PALLD: variants seen among roughly 807,000 people sequenced by gnomAD.
PALLD encodes the protein palladin, cytoskeletal associated protein, also known as palladin.
PALLD carries 61 observed loss-of-function variants against 123.5 expected under a neutral mutation model. That is an observed-to-expected ratio of 0.49 (90% confidence interval 0.40 to 0.61). The LOEUF (loss-of-function observed/expected upper bound fraction) is 0.61, where lower values mean the gene tolerates loss of function less well. Ranked by LOEUF, PALLD falls within the 20% of genes least tolerant of loss-of-function variation. The probability of loss-of-function intolerance (pLI) is 0.00; values close to 1 mark genes in which losing one functional copy is unlikely to be tolerated. For synonymous variants in PALLD, 465 were observed against 496.4 expected (o/e 0.94, Z 0.84); for missense variants, 1,273 against 1,377.0 (o/e 0.92, Z 1.20).
At chr4:168,509,535 T>C (rs1762334293) in intron 1 of PALLD, among the ~76,000 whole-genome samples, 1 of 152,218 alleles carries the variant, frequency 6.6e-6, no homozygotes. Context: ...CATATCTGAA[T>C]AACTGGAGAC....
intron 10 of PALLD, among the ~76,000 whole-genome samples, chr4:168,856,936 A>C (rs756738384): frequency 1.3e-5 from 2 of 152,250 alleles, no homozygotes; most frequent in Non-Finnish European, 2.9e-5. Flanking sequence ...CTTTATGGGA[A>C]ACAGTGAGGA....
intron 11 of PALLD, among the ~76,000 whole-genome samples, chr4:168,892,974 A>G (rs1754380593): frequency 6.6e-6 from 1 of 152,108 alleles, no homozygotes; most frequent in South Asian, 2.1e-4. Context: ...CTTTTTCCTA[A>G]TATTATATAT....
intron 2 of PALLD, among the ~76,000 whole-genome samples, chr4:168,618,169 G>A (rs998147453): frequency 3.3e-5 from 5 of 152,082 alleles, no homozygotes; most frequent in East Asian, 1.9e-4. Context: ...CAACCAAGTC[G>A]CTTATACTCT....
chr4:168,868,219 T>C (rs1417909826), intron 10 of PALLD, among the ~76,000 whole-genome samples: 2 of 152,314 alleles, frequency 1.3e-5, no homozygotes, highest in Admixed American at 1.3e-4. Flanking sequence ...TGAAGCCATA[T>C]ACCAGTTGAC....
intron 10 of PALLD, among the ~76,000 whole-genome samples, chr4:168,797,043 T>C (rs1738612219): frequency 6.6e-6 from 1 of 152,194 alleles, no homozygotes; most frequent in Non-Finnish European, 1.5e-5. Context: ...CTCACCAAAT[T>C]GAGTTGTCTC....
At chr4:168,732,309 T>C (rs1302503873) in intron 10 of PALLD, among the ~76,000 whole-genome samples, 1 of 152,236 alleles carries the variant, frequency 6.6e-6, no homozygotes, top group Non-Finnish European at 1.5e-5. Flanking sequence ...GGGCAGGTGA[T>C]TGATTGACTT....
At chr4:168,580,221 T>C (rs1032042775) in intron 2 of PALLD, among the ~76,000 whole-genome samples, 4 of 150,508 alleles carry the variant, frequency 2.7e-5, no homozygotes, top group Non-Finnish European at 5.9e-5. Flanking sequence ...TTTTAAAGAC[T>C]GAATATTATT....
intron 3 of PALLD, among the ~76,000 whole-genome samples, chr4:168,677,288 C>T (rs901070063): frequency 6.6e-6 from 1 of 151,762 alleles, no homozygotes; most frequent in Non-Finnish European, 1.5e-5. Flanking sequence ...CTGGCTGGCA[C>T]AGAGAGGGAG....
At chr4:168,562,501 T>C (rs1461143925) in intron 2 of PALLD, among the ~76,000 whole-genome samples, 5 of 152,196 alleles carry the variant, frequency 3.3e-5, no homozygotes, top group Admixed American at 3.3e-4. Flanking sequence ...GTAAGTAATG[T>C]AATTTTAAAT....
chr4:168,763,406 T>G (rs182735839), intron 10 of PALLD, among the ~76,000 whole-genome samples: 116 of 152,280 alleles, frequency 7.6e-4, no homozygotes, highest in African/African-American at 2.8e-3. Flanking sequence ...ATTATCTCCT[T>G]TCCACCTGTG....
chr4:168,695,058 A>C (rs944554463), intron 8 of PALLD, among the ~76,000 whole-genome samples: 2 of 152,238 alleles, frequency 1.3e-5, no homozygotes, highest in African/African-American at 2.4e-5. Context: ...AATAGCGTGC[A>C]AAATTAAAAA....
At chr4:168,736,059 A>G (rs537683027) in intron 10 of PALLD, among the ~76,000 whole-genome samples, 2 of 152,374 alleles carry the variant, frequency 1.3e-5, no homozygotes, top group East Asian at 3.9e-4. Context: ...ACTGGAGCTC[A>G]TTCAGTGGCT....
At chr4:168,674,925 T>A (rs934395667) in intron 3 of PALLD, among the ~76,000 whole-genome samples, 1 of 151,936 alleles carries the variant, frequency 6.6e-6, no homozygotes, top group Non-Finnish European at 1.5e-5. Flanking sequence ...GAAAAATAGA[T>A]CATGCAGGAG....
intron 2 of PALLD, chr4:168,631,867 G>C: frequency 1.0e-6 from 1 of 985,518 alleles, no homozygotes; most frequent in South Asian, 4.7e-5. Context: ...AGCTTGTTTG[G>C]GAGTGGGGGC....
rs530034181 is a variant in PALLD, at chr4:168,511,684, G to A, written c.180G>A (p.Ser60=). Residue 60 remains serine, a synonymous_variant, in exon 2 of 22, where the codon TCG becomes TCA. Transcript: ENST00000505667. ...ACTCCGAAACAGAAGATTTTGACTCGGAAAAGGAGATCTCGCAGATTTTCA... is the reference window on the plus strand; with the variant it reads ...ACTCCGAAACAGAAGATTTTGACTCAGAAAAGGAGATCTCGCAGATTTTCA... The part of the protein sequence containing the change: ...IADSETEDFD[S]EKEISQIFST... 3.3e-5 allele frequency: 53 copies of A among 1,614,088 alleles called. No individual in the cohort carries two copies. Among genetic ancestry groups the A allele is most frequent in the Middle Eastern group, 3.3e-4 (2 of 6,062 alleles).
At chr4:168,668,460 C>A in intron 3 of PALLD, 92 bp downstream of exon 3, 2 of 983,574 alleles carry the variant, frequency 2.0e-6, no homozygotes, top group Middle Eastern at 3.3e-4. Flanking sequence ...CTTTCCAATG[C>A]AAATGGCACA....
chr4:168,687,608 A>C (rs1782199033), intron 6 of PALLD, among the ~76,000 whole-genome samples: 1 of 152,188 alleles, frequency 6.6e-6, no homozygotes, highest in South Asian at 2.1e-4. Flanking sequence ...AGAGGAAGCA[A>C]AGATTTGCTT....
intron 10 of PALLD, among the ~76,000 whole-genome samples, chr4:168,715,819 A>T (rs147839285): frequency 0.072 from 10,923 of 152,098 alleles, 838 homozygotes; most frequent in African/African-American, 0.19. Context: ...GCGTGGTGGC[A>T]GGTGCCTGTA....
intron 10 of PALLD, among the ~76,000 whole-genome samples, chr4:168,870,510 T>G (rs1750939209): frequency 6.6e-6 from 1 of 152,202 alleles, no homozygotes; most frequent in Non-Finnish European, 1.5e-5. Flanking sequence ...ATATATACGT[T>G]TTTCAAAAAC....
Sources: gnomAD v4.1 joint callset for allele counts (sites outside exome capture counted in the v4.1 genomes callset) on GRCh38, gnomAD v4.1.1 for gene constraint, MANE v1.5 for transcripts, NCBI Gene and HGNC (gene_info 2026-07-23, HGNC 2026-07-21) for gene names.